Variants in CEP112 observed in about 807,000 individuals in gnomAD.
CEP112 encodes the protein centrosomal protein 112.
A neutral mutation model predicts 153.0 loss-of-function variants in CEP112; 127 were observed. The observed-to-expected ratio is 0.83, with a 90% confidence interval of 0.72 to 0.96. CEP112 has a LOEUF of 0.96. Among genes scored for constraint, CEP112 ranks in the 40% least tolerant of loss-of-function variants. The pLI is 0.00. For synonymous variants in CEP112, 358 were observed against 374.4 expected (o/e 0.96, Z 0.51); for missense variants, 1,089 against 1,101.2 (o/e 0.99, Z 0.16).
intron 20 of CEP112, among the ~76,000 whole-genome samples, chr17:65,858,435 C>G (rs1368410341): frequency 3.3e-5 from 5 of 151,992 alleles, no homozygotes; most frequent in Non-Finnish European, 5.9e-5. Context: ...TTATGTATTC[C>G]TGGAAATTTG....
At chr17:65,806,945 C>T (rs537990302) in intron 21 of CEP112, among the ~76,000 whole-genome samples, 6 of 152,144 alleles carry the variant, frequency 3.9e-5, no homozygotes, top group East Asian at 1.9e-4. Context: ...AACTGGATAA[C>T]GAACAGAGGT....
intron 4 of CEP112, among the ~76,000 whole-genome samples, chr17:66,154,461 G>A (rs147363235): frequency 0.034 from 5,180 of 152,238 alleles, 132 homozygotes; most frequent in Middle Eastern, 0.061. Flanking sequence ...GTTGCAGTGA[G>A]CCAAGATCGT....
At chr17:65,761,314 ATGT>A (rs2052601070) in intron 21 of CEP112, among the ~76,000 whole-genome samples, 1 of 151,798 alleles carries the variant, frequency 6.6e-6, no homozygotes, top group South Asian at 2.1e-4. Context: ...GGGTCTCACT[ATGT>A]TGCTCAGGCT....
intron 17 of CEP112, among the ~76,000 whole-genome samples, chr17:65,979,074 T>C (rs1311000647): frequency 2.0e-5 from 3 of 152,120 alleles, no homozygotes; most frequent in East Asian, 3.9e-4. Context: ...TACAATAAAC[T>C]GGAAACCTTG....
chr17:66,108,797 A>G (rs569455129), intron 6 of CEP112, among the ~76,000 whole-genome samples: 2 of 152,326 alleles, frequency 1.3e-5, no homozygotes, highest in South Asian at 4.1e-4. Context: ...TAGTGTATCA[A>G]AGAGATATCT....
intron 21 of CEP112, among the ~76,000 whole-genome samples, chr17:65,844,642 G>GCCA (rs4059211): frequency 6.6e-6 from 1 of 150,964 alleles, no homozygotes; most frequent in Non-Finnish European, 1.5e-5. Context: ...CCGAGATCAG[G>GCCA]CTCCATCCTG....
intron 4 of CEP112, among the ~76,000 whole-genome samples, chr17:66,157,087 A>C (rs1215213517): frequency 6.6e-6 from 1 of 152,174 alleles, no homozygotes; most frequent in Non-Finnish European, 1.5e-5. Context: ...CAGATTCACC[A>C]AGGTTGCAAT....
chr17:65,911,256 G>C (rs891973245), intron 19 of CEP112, among the ~76,000 whole-genome samples: 3 of 152,100 alleles, frequency 2.0e-5, no homozygotes, highest in Non-Finnish European at 2.9e-5. Context: ...AAAAAGCTAA[G>C]TTTATATAAC....
intron 4 of CEP112, among the ~76,000 whole-genome samples, chr17:66,168,385 ATG>A (rs1017719512): frequency 1.0e-4 from 15 of 150,168 alleles, no homozygotes; most frequent in African/African-American, 3.2e-4. Context: ...ACCTATATAT[ATG>A]TGTGTGTATA....
At chr17:66,009,039 T>C (rs567414877) in intron 16 of CEP112, among the ~76,000 whole-genome samples, 2 of 152,324 alleles carry the variant, frequency 1.3e-5, no homozygotes, top group South Asian at 2.1e-4. Context: ...CCTTTGGATA[T>C]AAACCCAGAA....
At chr17:66,099,946 C>T (rs1244691114) in intron 6 of CEP112, among the ~76,000 whole-genome samples, 1 of 152,024 alleles carries the variant, frequency 6.6e-6, no homozygotes, top group Admixed American at 6.6e-5. Flanking sequence ...TGTTCCACCA[C>T]CACTAGGACA....
At chr17:65,842,542 C>A (rs931682102) in intron 21 of CEP112, among the ~76,000 whole-genome samples, 3 of 152,144 alleles carry the variant, frequency 2.0e-5, no homozygotes, top group African/African-American at 7.2e-5. Flanking sequence ...TGACATTGAG[C>A]TTTGTAGTCC....
chr17:66,136,709 T>A (rs2070451111), intron 4 of CEP112, among the ~76,000 whole-genome samples: 1 of 152,160 alleles, frequency 6.6e-6, no homozygotes, highest in Admixed American at 6.5e-5. Flanking sequence ...AGTGTGCTAC[T>A]AGCTCCAGAA....
intron 17 of CEP112, among the ~76,000 whole-genome samples, chr17:65,964,409 CTCTT>C (rs1470129132): frequency 6.6e-6 from 1 of 152,198 alleles, no homozygotes; most frequent in South Asian, 2.1e-4. Flanking sequence ...TGCATTTTCA[CTCTT>C]TCTATATTAT....
rs9916410 is a variant in CEP112 at position 65,708,298 on chromosome 17, C to T, written c.2608-19080G>A. Among the ~76,000 whole-genome samples the T allele has an allele frequency of 5.4e-3, 823 of 152,230 alleles. 5 individuals carry two copies. The highest frequency in any genetic ancestry group is 0.019 in the African/African-American group (803 of 41,520). On this transcript the variant is annotated intron_variant, in intron 23 of 26. Coordinates refer to ENST00000535342, the MANE Select transcript of CEP112 (RefSeq NM_001199165.4). ...AGTCCAATTTCTGAAATGCTAAGTC[C>T]ATTTGATCTCCCACTAAGGGATCAA... is the stretch of plus-strand genomic sequence containing the variant.
intron 19 of CEP112, among the ~76,000 whole-genome samples, chr17:65,916,845 C>T (rs1309500204): frequency 2.0e-5 from 3 of 152,086 alleles, no homozygotes; most frequent in Admixed American, 6.5e-5. Context: ...CTGCACCCAG[C>T]CCATCTTTGC....
At chr17:66,016,039 G>C (rs2064757502) in intron 16 of CEP112, among the ~76,000 whole-genome samples, 1 of 152,138 alleles carries the variant, frequency 6.6e-6, no homozygotes, top group Non-Finnish European at 1.5e-5. Flanking sequence ...GTGATCGTAA[G>C]TCTGCTATTG....
chr17:66,026,255 G>A (rs1033642198), intron 16 of CEP112, among the ~76,000 whole-genome samples: 9 of 152,032 alleles, frequency 5.9e-5, no homozygotes, highest in African/African-American at 1.9e-4. Context: ...AAAAAACTGC[G>A]CTTGTACCCG....
chr17:66,173,918 CTTTTA>C (rs2072351073), intron 4 of CEP112, among the ~76,000 whole-genome samples: 1 of 151,938 alleles, frequency 6.6e-6, no homozygotes, highest in African/African-American at 2.4e-5. Flanking sequence ...GGATCTCTCA[CTTTTA>C]TTTATCTTTT....
Sources: gnomAD v4.1 joint callset for allele counts (sites outside exome capture counted in the v4.1 genomes callset) on GRCh38, gnomAD v4.1.1 for gene constraint, MANE v1.5 for transcripts, NCBI Gene and HGNC (gene_info 2026-07-23, HGNC 2026-07-21) for gene names.